The following ARID5B variants were observed in gnomAD, a reference collection of about 807,000 sequenced individuals.
The protein encoded by ARID5B is AT-rich interaction domain 5B, also known as AT-rich interactive domain-containing protein 5B.
Under a neutral mutation model 97.2 loss-of-function variants are expected in ARID5B, and 13 were observed. That is an observed-to-expected ratio of 0.13 (90% CI 0.09 to 0.21). ARID5B has a LOEUF of 0.21. ARID5B is among the 10% of genes least tolerant of loss of function. ARID5B has a pLI of 1.00. For missense variants in ARID5B, 1,210 were observed against 1,465.3 expected, an observed-to-expected ratio of 0.83 and a Z score of 2.84; for synonymous variants, 556 against 570.3, an observed-to-expected ratio of 0.97 and a Z score of 0.36.
At chr10:61,987,534 CTA>C (rs1178426723) in intron 3 of ARID5B, among the ~76,000 whole-genome samples, 1 of 152,166 alleles carries the variant, frequency 6.6e-6, no homozygotes, top group Admixed American at 6.5e-5. Flanking sequence ...GGCAGCAAGA[CTA>C]TATTCTCTAG....
At position 62,068,581 on chromosome 10, in the gene ARID5B, C is replaced by T. The variant is rs561892791; in HGVS notation, c.1102-1119C>T. The stretch of plus-strand genomic sequence containing the variant: ...CTGCCTTTAGCCCCTTGGTGAACTC[C>T]GCTGGCAGCCTCGTGGGTATTTTTC... On this transcript the variant is annotated intron_variant, in intron 7 of 9. Transcript: ENST00000279873. Among the ~76,000 whole-genome samples, 13 of 151,778 alleles carry T rather than the reference C, an allele frequency of 8.6e-5. No individual in the cohort carries two copies. In the South Asian group the frequency reaches 2.3e-3, roughly 27 times the overall value.
chr10:61,926,414 A>G (rs908793680), intron 2 of ARID5B, among the ~76,000 whole-genome samples: 14 of 152,078 alleles, frequency 9.2e-5, no homozygotes, highest in African/African-American at 3.4e-4. Context: ...CAGTTTTTTC[A>G]TCTCTAAAAT....
At chr10:61,907,250 A>T (rs1218358518) in intron 2 of ARID5B, among the ~76,000 whole-genome samples, 3 of 152,028 alleles carry the variant, frequency 2.0e-5, no homozygotes, top group Non-Finnish European at 4.4e-5. Flanking sequence ...TTTTCAAAAG[A>T]TTGCCTGATT....
At chr10:61,997,665 A>T (rs1179120977) in intron 3 of ARID5B, among the ~76,000 whole-genome samples, 2 of 152,204 alleles carry the variant, frequency 1.3e-5, no homozygotes, top group African/African-American at 4.8e-5. Context: ...GATGGTGTTA[A>T]GTGCTATGAG....
intron 2 of ARID5B, among the ~76,000 whole-genome samples, chr10:61,928,902 C>A (rs1321982421): frequency 1.3e-5 from 2 of 152,150 alleles, no homozygotes; most frequent in Non-Finnish European, 2.9e-5. Context: ...AACAGTTGGG[C>A]AAACTGGTAG....
At chr10:62,077,528 C>G (rs898406394) in intron 8 of ARID5B, among the ~76,000 whole-genome samples, 2 of 133,162 alleles carry the variant, frequency 1.5e-5, no homozygotes, top group South Asian at 4.9e-4. Flanking sequence ...TTTGACCCCC[C>G]CCAAAAAAAA....
intron 4 of ARID5B, among the ~76,000 whole-genome samples, chr10:62,029,497 T>C (rs1839467032): frequency 6.6e-6 from 1 of 152,230 alleles, no homozygotes; most frequent in Non-Finnish European, 1.5e-5. Flanking sequence ...CAATATTGGA[T>C]CTAAGGCCAA....
At chr10:62,086,316 A>G (rs201301598) in intron 9 of ARID5B, among the ~76,000 whole-genome samples, 173 of 152,294 alleles carry the variant, frequency 1.1e-3, no homozygotes, top group African/African-American at 4.0e-3. Flanking sequence ...GGGGCTGGAC[A>G]TGGTGGCTCG....
chr10:62,090,079 G>A (rs1840348073), intron 9 of ARID5B, among the ~76,000 whole-genome samples: 1 of 152,184 alleles, frequency 6.6e-6, no homozygotes, highest in East Asian at 1.9e-4. Flanking sequence ...CATAAGGAGT[G>A]TGTCTGTCTC....
intron 3 of ARID5B, among the ~76,000 whole-genome samples, chr10:61,949,737 A>G (rs979987745): frequency 6.6e-6 from 1 of 152,212 alleles, no homozygotes; most frequent in Non-Finnish European, 1.5e-5. Flanking sequence ...TTAATTTCCC[A>G]AAGAACTGTC....
intron 5 of ARID5B, 48 bp downstream of exon 5, chr10:62,051,048 T>A: frequency 6.6e-7 from 1 of 1,526,254 alleles, no homozygotes. Context: ...TCTTTTTATT[T>A]TTGCTTTTTC....
At chr10:61,985,156 C>G (rs1294740842) in intron 3 of ARID5B, among the ~76,000 whole-genome samples, 3 of 151,890 alleles carry the variant, frequency 2.0e-5, no homozygotes, top group Non-Finnish European at 2.9e-5. Flanking sequence ...TTTCTTCACT[C>G]TCTTTGCTAC....
chr10:62,067,418 G>C (rs1191738284), intron 7 of ARID5B, among the ~76,000 whole-genome samples: 1 of 152,220 alleles, frequency 6.6e-6, no homozygotes. Flanking sequence ...CAAGTGGTTA[G>C]GGTGGACTTT....
At chr10:61,906,697 T>TA in intron 2 of ARID5B, among the ~76,000 whole-genome samples, 1 of 152,270 alleles carries the variant, frequency 6.6e-6, no homozygotes, top group Middle Eastern at 3.4e-3. Flanking sequence ...ACTACTGAAT[T>TA]AAAAAATGCT....
intron 2 of ARID5B, among the ~76,000 whole-genome samples, chr10:61,904,944 G>T (rs775330771): frequency 6.6e-6 from 1 of 152,258 alleles, no homozygotes; most frequent in Non-Finnish European, 1.5e-5. Flanking sequence ...AATAGCAGCA[G>T]CAGTCTTCTC....
intron 4 of ARID5B, among the ~76,000 whole-genome samples, chr10:62,027,686 C>T (rs1394333428): frequency 7.2e-5 from 11 of 151,998 alleles, no homozygotes; most frequent in African/African-American, 2.7e-4. Context: ...TTTTTAACTT[C>T]TTGCACTCGT....
chr10:61,926,636 G>A (rs1387470270), intron 2 of ARID5B, among the ~76,000 whole-genome samples: 1 of 151,956 alleles, frequency 6.6e-6, no homozygotes, highest in Non-Finnish European at 1.5e-5. Flanking sequence ...TTGAGACAGA[G>A]TCTCGCTCTG....
At chr10:61,923,443 G>A (rs1844051636) in intron 2 of ARID5B, among the ~76,000 whole-genome samples, 1 of 152,202 alleles carries the variant, frequency 6.6e-6, no homozygotes, top group Admixed American at 6.5e-5. Context: ...ATCCGCTCTA[G>A]AGGAGTAGGG....
At chr10:62,013,137 T>C (rs1233178169) in intron 4 of ARID5B, among the ~76,000 whole-genome samples, 1 of 152,106 alleles carries the variant, frequency 6.6e-6, no homozygotes, top group Admixed American at 6.5e-5. Flanking sequence ...TCGCCTGGGC[T>C]CCAAAGCACA....
Sources: allele counts gnomAD v4.1 joint callset (sites outside exome capture counted in the v4.1 genomes callset), GRCh38; gene constraint gnomAD v4.1.1; transcripts MANE v1.5; gene names NCBI Gene and HGNC (gene_info 2026-07-23, HGNC 2026-07-21).